The following FHOD3 variants were observed in gnomAD, a reference collection of about 807,000 sequenced individuals.
FHOD3 encodes formin homology 2 domain containing 3.
A neutral mutation model predicts 173.0 loss-of-function variants in FHOD3; 90 were observed. The ratio of observed to expected loss-of-function variants is 0.52; its 90% confidence interval spans 0.44 to 0.62. The LOEUF (loss-of-function observed/expected upper bound fraction) is 0.62. Among genes scored for constraint, FHOD3 ranks in the 20% least tolerant of loss-of-function variants. FHOD3 has a pLI of 0.00. For missense variants in FHOD3, 1,945 were observed against 2,034.7 expected (o/e 0.96, Z 0.85); for synonymous variants, 828 against 823.0 (o/e 1.01, Z -0.10).
chr18:36,681,212 C>T (rs113390249), intron 14 of FHOD3, among the ~76,000 whole-genome samples: 4 of 152,146 alleles, frequency 2.6e-5, no homozygotes, highest in Admixed American at 2.0e-4. Flanking sequence ...TATTTTCTGT[C>T]TGTTACCACC....
intron 10 of FHOD3, 74 bp downstream of exon 10, chr18:36,625,823 C>T: frequency 7.8e-7 from 1 of 1,282,992 alleles, no homozygotes; most frequent in Non-Finnish European, 1.1e-6. Flanking sequence ...GCCTGCCACT[C>T]TCCCCTCCCT....
intron 9 of FHOD3, among the ~76,000 whole-genome samples, chr18:36,619,716 G>A (rs774560509): frequency 9.9e-5 from 15 of 152,194 alleles, no homozygotes; most frequent in Non-Finnish European, 1.9e-4. Context: ...TGCCCTGAGA[G>A]GGCACATACT....
At chr18:36,718,992 T>A (rs1224105837) in intron 19 of FHOD3, among the ~76,000 whole-genome samples, 1 of 152,158 alleles carries the variant, frequency 6.6e-6, no homozygotes, top group Non-Finnish European at 1.5e-5. Flanking sequence ...ACAAAAATGG[T>A]CAACTAAGGA....
At chr18:36,496,493 G>C (rs1248743946) in intron 3 of FHOD3, among the ~76,000 whole-genome samples, 4 of 152,186 alleles carry the variant, frequency 2.6e-5, no homozygotes, top group Admixed American at 2.0e-4. Flanking sequence ...AATAAGATAG[G>C]TTTAGGCAGA....
At chr18:36,680,867 A>G (rs780561921) in intron 14 of FHOD3, among the ~76,000 whole-genome samples, 10 of 152,268 alleles carry the variant, frequency 6.6e-5, no homozygotes, top group Non-Finnish European at 1.2e-4. Flanking sequence ...TGAGACTGAT[A>G]TATAGTAAAA....
intron 10 of FHOD3, among the ~76,000 whole-genome samples, chr18:36,639,209 T>C (rs149356723): frequency 3.9e-5 from 6 of 152,204 alleles, no homozygotes; most frequent in African/African-American, 1.4e-4. Flanking sequence ...CTAATTTCTC[T>C]GTCAACTTCT....
intron 1 of FHOD3, among the ~76,000 whole-genome samples, chr18:36,300,624 G>A (rs897032983): frequency 9.9e-5 from 15 of 152,166 alleles, no homozygotes; most frequent in African/African-American, 3.6e-4. Flanking sequence ...TCTGTGCAGC[G>A]AGCGCATTCT....
At chr18:36,647,297 A>T (rs2149055765) in intron 10 of FHOD3, among the ~76,000 whole-genome samples, 1 of 152,278 alleles carries the variant, frequency 6.6e-6, no homozygotes, top group East Asian at 1.9e-4. Flanking sequence ...TGGGCAAAAA[A>T]CTACTTGGAC....
At position 36,297,723 on chromosome 18, in the gene FHOD3, G is replaced by GCCCGCGAGCC. The variant is rs1416700546; in HGVS notation, c.-113_-112insCCCGCGAGCC. 2.7e-6 allele frequency: 2 copies of GCCCGCGAGCC among 735,156 alleles called. No individual in the cohort carries two copies. Among genetic ancestry groups the GCCCGCGAGCC allele is most frequent in the East Asian group, 1.3e-4 (2 of 15,912 alleles). The allele number at this position is 735,156 out of a possible 1,614,324, so 45.5% of individuals were successfully genotyped here. On this transcript the variant is annotated 5_prime_UTR_variant, in exon 1 of 29. Coordinates refer to ENST00000590592, the MANE Select transcript of FHOD3 (RefSeq NM_001281740.3). ...CAGCCCGGCGCGCCTGAGCCTGCGA[G>GCCCGCGAGCC]TCCGCGAGCCAGCGAGCTGCGGCTG...
intron 5 of FHOD3, among the ~76,000 whole-genome samples, chr18:36,551,725 T>C (rs574868610): frequency 3.5e-4 from 53 of 152,346 alleles, no homozygotes; most frequent in African/African-American, 1.3e-3. Context: ...GGCTAGCCAG[T>C]TTTCCCAGCA....
chr18:36,461,461 T>G (rs72891768), intron 3 of FHOD3, among the ~76,000 whole-genome samples: 4,899 of 108,676 alleles, frequency 0.045, 126 homozygotes, highest in Middle Eastern at 0.091. Flanking sequence ...GTGTGTGTGT[T>G]TTTTTTTTTC....
In FHOD3 at chr18:36,450,381, G is replaced by A. The variant is rs191349847; in HGVS notation, c.338-51551G>A. 8.5e-3 allele frequency among the ~76,000 whole-genome samples: 1,293 copies of A among 152,192 alleles called. 21 individuals are homozygous for A. The highest frequency in any genetic ancestry group is 0.029 in the African/African-American group (1,211 of 41,534). On this transcript the variant is annotated intron_variant, in intron 3 of 28. Transcript: ENST00000590592. ...GCTCTGAGGTCAGGCCATTCCTGGG[G>A]TTTTAAAGGGAAGTGGTTAAGATAG...
At chr18:36,368,376 G>A (rs2047005650) in intron 2 of FHOD3, among the ~76,000 whole-genome samples, 1 of 152,134 alleles carries the variant, frequency 6.6e-6, no homozygotes, top group Non-Finnish European at 1.5e-5. Flanking sequence ...TTCACTGTAA[G>A]CAGCTTAGCA....
chr18:36,532,522 A>C (rs12961238), intron 5 of FHOD3, among the ~76,000 whole-genome samples: 82,436 of 151,990 alleles, frequency 0.54, 22,599 homozygotes, highest in East Asian at 0.63. Context: ...TGGCAGAGGG[A>C]GCTTCTGGTT....
Position 36,625,538 on chromosome 18 carries a change from G to A in FHOD3, c.985G>A (p.Glu329Lys), listed in dbSNP as rs769184978. Residue 329 changes from glutamate (E) to lysine (K), a missense_variant, in exon 10 of 29, where the codon GAG becomes AAG. Physicochemically the swap from Glu to Lys is moderately conservative, Grantham distance 56 (BLOSUM62 1). Around this residue, in one of 5 missense-constraint regions of FHOD3, gnomAD observed 1,099 missense variants for 1,051.2 expected, o/e 1.05. Transcript: ENST00000590592. Reference protein sequence around the residue: ...EVALRHEDGDETTEPPPSGCR... With the variant: ...EVALRHEDGDKTTEPPPSGCR... ...GGCGCTCAGGCACGAGGATGGCGAT[G>A]AGACCACGGAGCCACCCCCCAGTGG... 1 of 1,465,250 alleles carries A rather than the reference G, an allele frequency of 6.8e-7. No individual in the cohort carries two copies. Among genetic ancestry groups the A allele is most frequent in the Non-Finnish European group, 9.1e-7 (1 of 1,095,942 alleles). 90.8% of individuals were successfully genotyped at this position (1,465,250 alleles called of 1,614,324 possible).
chr18:36,741,240 A>G (rs936017654), intron 21 of FHOD3, among the ~76,000 whole-genome samples: 10 of 152,176 alleles, frequency 6.6e-5, no homozygotes, highest in Admixed American at 5.9e-4. Context: ...AGGTCTTTTT[A>G]TGTTGCCTAT....
At chr18:36,617,858 G>T (rs1034989949) in intron 9 of FHOD3, among the ~76,000 whole-genome samples, 1 of 151,974 alleles carries the variant, frequency 6.6e-6, no homozygotes, top group Non-Finnish European at 1.5e-5. Context: ...ATGGAAACTG[G>T]TCTGTTTAAA....
At chr18:36,731,056 GGAA>G (rs2041333869) in intron 20 of FHOD3, among the ~76,000 whole-genome samples, 1 of 152,134 alleles carries the variant, frequency 6.6e-6, no homozygotes, top group South Asian at 2.1e-4. Context: ...ACCTCAAAAT[GGAA>G]GAAGACTATG....
rs1188653859 is a variant in FHOD3 at position 36,717,941 on chromosome 18, T to C, written c.2643T>C (p.Ser881=). ...TGCTGTATGCCCATAACAGGAAGTC[T>C]CCGGATGATGAGGAGAAGGGGGATG... ...LDMLYAHNRK[S]PDDEEKGDGE... The change falls in exon 19 of 29, where the codon TCT becomes TCC. Residue 881 remains serine, a synonymous_variant. Transcript: ENST00000590592. The C allele has an allele frequency of 1.9e-6, 3 of 1,613,812 alleles. No individual in the cohort carries two copies. Among genetic ancestry groups the C allele is most frequent in the Non-Finnish European group, 1.7e-6 (2 of 1,179,934 alleles).
Sources: gnomAD v4.1 joint callset for allele counts (sites outside exome capture counted in the v4.1 genomes callset) on GRCh38, gnomAD v4.1.1 for gene constraint, gnomAD v4.1.1 regional missense constraint, MANE v1.5 for transcripts, NCBI Gene and HGNC (gene_info 2026-07-23, HGNC 2026-07-21) for gene names.